SPAM1: variants seen among roughly 807,000 people sequenced by gnomAD.
SPAM1 encodes the protein hyaluronidase PH-20.
In SPAM1, 22 loss-of-function variants were observed where a neutral mutation model predicts 29.6. That is an observed-to-expected ratio of 0.74 (90% CI 0.53 to 1.06). SPAM1 has a LOEUF of 1.06. Ranked by LOEUF, SPAM1 falls within the 50% of genes least tolerant of loss-of-function variation. The pLI, the probability that SPAM1 is intolerant of heterozygous loss-of-function variation, is 0.00. For synonymous variants in SPAM1, 194 were observed against 204.6 expected (o/e 0.95, Z 0.44); for missense variants, 534 against 604.0 (o/e 0.88, Z 1.21).
chr7:123,966,111 A>T (rs1299509046), intron 5 of SPAM1, among the ~76,000 whole-genome samples: 1 of 152,116 alleles, frequency 6.6e-6, no homozygotes, highest in Non-Finnish European at 1.5e-5. Context: ...TGGGCAAAGG[A>T]TATGAACAGA....
chr7:123,970,079 G>T, intron 5 of SPAM1: 1 of 936,464 alleles, frequency 1.1e-6, no homozygotes, highest in Non-Finnish European at 1.5e-6. Context: ...TTCTTTACAT[G>T]GAGTCTCCTG....
At position 123,960,002 on chromosome 7, in the gene SPAM1, C is replaced by A; in HGVS notation, c.*33C>A. ...GGTTAGCTGAAATGAACAATATGTC[C>A]ATCTTAAAGTGTGCTTTTTCGACTA... On this transcript the variant is annotated 3_prime_UTR_variant, in exon 5 of 5. Coordinates refer to ENST00000682466, the MANE Select transcript of SPAM1 (RefSeq NM_153189.3). 6.5e-7 allele frequency: 1 copy of A among 1,546,642 alleles called. No homozygotes were observed. Among genetic ancestry groups the A allele is most frequent in the South Asian group, 1.3e-5 (1 of 79,504 alleles).
At position 123,954,071 on chromosome 7, in the gene SPAM1, G is replaced by A. The variant is rs1397539616; in HGVS notation, c.501G>A (p.Arg167=). The A allele has an allele frequency of 1.4e-5, 23 of 1,613,368 alleles. No individual in the cohort carries two copies. The highest frequency in any genetic ancestry group is 1.9e-5 in the Non-Finnish European group (23 of 1,179,696). Residue 167 remains arginine (R), a synonymous_variant, in exon 3 of 5, where the codon AGG becomes AGA. Coordinates refer to ENST00000682466, the MANE Select transcript of SPAM1 (RefSeq NM_153189.3). Reference sequence around the variant, plus strand: ...AACCTAAAGATGTTTACAAGAATAGGTCTATTGAATTGGTTCAGCAACAAA... The same window carrying A: ...AACCTAAAGATGTTTACAAGAATAGATCTATTGAATTGGTTCAGCAACAAA... ...NWKPKDVYKN[R]SIELVQQQNV...
At chr7:123,933,882 T>A (rs1808168102) in intron 1 of SPAM1, among the ~76,000 whole-genome samples, 1 of 152,166 alleles carries the variant, frequency 6.6e-6, no homozygotes, top group Admixed American at 6.5e-5. Context: ...TATACCATGG[T>A]GGTCCCATAC....
At chr7:123,945,003 C>G (rs1173287659) in intron 1 of SPAM1, among the ~76,000 whole-genome samples, 1 of 151,270 alleles carries the variant, frequency 6.6e-6, no homozygotes, top group African/African-American at 2.4e-5. Flanking sequence ...ATTTTTTTTT[C>G]TTTTCATAAA....
chr7:123,963,445 T>TA (rs1363751223), downstream of SPAM1, among the ~76,000 whole-genome samples: 1 of 151,838 alleles, frequency 6.6e-6, no homozygotes, highest in Non-Finnish European at 1.5e-5. Context: ...GCTTTTTAGA[T>TA]ACCAATAGAT....
At chr7:123,957,651 C>T (rs1219348279) in intron 4 of SPAM1, among the ~76,000 whole-genome samples, 1 of 151,922 alleles carries the variant, frequency 6.6e-6, no homozygotes, top group Non-Finnish European at 1.5e-5. Context: ...AGAAGAAGTC[C>T]AATATGGGTT....
chr7:123,942,694 C>T (rs1446623344), intron 1 of SPAM1, among the ~76,000 whole-genome samples: 1 of 152,130 alleles, frequency 6.6e-6, no homozygotes, highest in African/African-American at 2.4e-5. Context: ...CCTTGGGGCT[C>T]CTGGGACTGT....
rs373398224 is a variant in SPAM1, at chr7:123,959,732, A to G, written c.1293A>G (p.Glu431=). The change falls in exon 5 of 5, where the codon GAA becomes GAG. Residue 431 remains glutamate (E), a synonymous_variant. Coordinates refer to ENST00000682466, the MANE Select transcript of SPAM1 (RefSeq NM_153189.3). ...TTGAAGACCTGGAGCAATTTTCTGAAAAATTTTATTGCAGCTGTTATAGCA... is the reference window on the plus strand; with the variant it reads ...TTGAAGACCTGGAGCAATTTTCTGAGAAATTTTATTGCAGCTGTTATAGCA... ...PTLEDLEQFS[E]KFYCSCYSTL... is the part of the protein sequence containing the mutation. 2 of 1,613,194 alleles carry G rather than the reference A, an allele frequency of 1.2e-6. No homozygotes were observed. The highest frequency in any genetic ancestry group is 2.7e-5 in the African/African-American group (2 of 74,870).
At chr7:123,930,995 T>C (rs1808062416) in intron 1 of SPAM1, among the ~76,000 whole-genome samples, 1 of 152,088 alleles carries the variant, frequency 6.6e-6, no homozygotes, top group Non-Finnish European at 1.5e-5. Flanking sequence ...CACAGGGTCA[T>C]TGTCAGGGTG....
intron 1 of SPAM1, among the ~76,000 whole-genome samples, chr7:123,945,805 T>A (rs2117045860): frequency 6.6e-6 from 1 of 152,212 alleles, no homozygotes; most frequent in East Asian, 1.9e-4. Context: ...CCCCTGTTTT[T>A]TTTTTCCCCT....
chr7:123,946,751 C>A (rs1034808409), intron 1 of SPAM1, among the ~76,000 whole-genome samples: 1 of 152,100 alleles, frequency 6.6e-6, no homozygotes, highest in Admixed American at 6.5e-5. Flanking sequence ...CCACTGCATA[C>A]AAAATTTAGT....
intron 1 of SPAM1, among the ~76,000 whole-genome samples, chr7:123,943,341 T>C (rs1451987984): frequency 6.6e-6 from 1 of 152,102 alleles, no homozygotes; most frequent in Non-Finnish European, 1.5e-5. Context: ...ATGCCACCTT[T>C]TGAAAAGGAT....
At chr7:123,936,207 C>T (rs770700908) in intron 1 of SPAM1, among the ~76,000 whole-genome samples, 2 of 152,180 alleles carry the variant, frequency 1.3e-5, no homozygotes, top group Non-Finnish European at 2.9e-5. Context: ...TTATTGATTG[C>T]AGGGCAGCCA....
intron 1 of SPAM1, among the ~76,000 whole-genome samples, chr7:123,927,224 C>A (rs1371104145): frequency 6.6e-6 from 1 of 152,094 alleles, no homozygotes; most frequent in African/African-American, 2.4e-5. Context: ...AGAGCTTAGT[C>A]CTCATATCCA....
intron 1 of SPAM1, among the ~76,000 whole-genome samples, chr7:123,931,851 G>A (rs917759666): frequency 6.6e-5 from 10 of 152,060 alleles, no homozygotes; most frequent in African/African-American, 2.2e-4. Flanking sequence ...AACATAAAAA[G>A]CGATGAAAGG....
At chr7:123,957,342 C>T (rs757479805) in intron 4 of SPAM1, among the ~76,000 whole-genome samples, 3 of 151,872 alleles carry the variant, frequency 2.0e-5, no homozygotes, top group Non-Finnish European at 4.4e-5. Flanking sequence ...AAGACCATTC[C>T]AAGCAGTGGG....
chr7:123,933,120 G>A (rs1381061887), intron 1 of SPAM1, among the ~76,000 whole-genome samples: 3 of 151,440 alleles, frequency 2.0e-5, no homozygotes, highest in Admixed American at 2.0e-4. Context: ...TTGTTACATA[G>A]GTATACATGT....
At chr7:123,941,384 G>A (rs940048268) in intron 1 of SPAM1, among the ~76,000 whole-genome samples, 8 of 152,250 alleles carry the variant, frequency 5.3e-5, no homozygotes, top group East Asian at 3.9e-4. Flanking sequence ...GTGGCAGGGC[G>A]GGACAACTTG....
Sources: gnomAD v4.1 joint callset for allele counts (sites outside exome capture counted in the v4.1 genomes callset) on GRCh38, gnomAD v4.1.1 for gene constraint, MANE v1.5 for transcripts, NCBI Gene and HGNC (gene_info 2026-07-23, HGNC 2026-07-21) for gene names.